GREM2: variants seen among roughly 807,000 people sequenced by gnomAD.
The protein encoded by GREM2 is gremlin-2.
Under a neutral mutation model 14.2 loss-of-function variants are expected in GREM2, and 11 were observed. That is an observed-to-expected ratio of 0.78 (90% confidence interval 0.49 to 1.28). The LOEUF (loss-of-function observed/expected upper bound fraction) is 1.28, where lower values mean the gene tolerates loss of function less well. Ranked by LOEUF, GREM2 falls within the 50% of genes most tolerant of loss-of-function variation. GREM2 has a pLI of 0.00. For missense variants in GREM2, 210 were observed against 218.5 expected, an observed-to-expected ratio of 0.96 and a Z score of 0.24; for synonymous variants, 98 against 97.6, an observed-to-expected ratio of 1.00 and a Z score of -0.02.
chr1:240,606,677 CTTTT>C (rs1261199860), intron 1 of GREM2, among the ~76,000 whole-genome samples: 5 of 131,342 alleles, frequency 3.8e-5, no homozygotes, highest in Non-Finnish European at 3.3e-5. Flanking sequence ...TGAAACAGTT[CTTTT>C]TTTTTTTTTT....
At chr1:240,588,389 T>C (rs955717429) in intron 1 of GREM2, 3 of 152,288 alleles carry the variant, frequency 2.0e-5, no homozygotes, top group Admixed American at 2.0e-4. Context: ...CTCAGACACC[T>C]GTTAGTTATA....
intron 1 of GREM2, among the ~76,000 whole-genome samples, chr1:240,526,354 A>G (rs569628232): frequency 1.4e-3 from 217 of 152,314 alleles, no homozygotes; most frequent in Non-Finnish European, 2.4e-3. Context: ...TATTTTGTCA[A>G]AATTAAGGCA....
At position 240,493,202 on chromosome 1, in the gene GREM2, T is replaced by C; in HGVS notation, c.274A>G (p.Ile92Val). The C allele has an allele frequency of 6.2e-7, 1 of 1,614,086 alleles. No homozygotes were observed. Among genetic ancestry groups the C allele is most frequent in the East Asian group, 2.2e-5 (1 of 44,850 alleles). The change falls in exon 2 of 2, where the codon ATC becomes GTC. Residue 92 changes from isoleucine to valine, a missense_variant. Transcript: ENST00000318160. ...TGGCCGTAGCAGAAGCGGTTGAGGA[T>C]GGTGCGGCTCCGGCAGCCCTCCTCG... ...VSEEGCRSRT[I>V]LNRFCYGQCN...
intron 1 of GREM2, among the ~76,000 whole-genome samples, chr1:240,604,823 A>G (rs761452673): frequency 1.4e-4 from 21 of 152,348 alleles, no homozygotes; most frequent in Middle Eastern, 6.8e-3. Context: ...GTTCCTCTTC[A>G]AAGACTTTCC....
chr1:240,529,361 T>A (rs1275299775), intron 1 of GREM2, among the ~76,000 whole-genome samples: 5 of 151,728 alleles, frequency 3.3e-5, no homozygotes, highest in African/African-American at 1.2e-4. Context: ...AATGGAAAGT[T>A]GGAACCATTT....
chr1:240,595,875 G>A (rs1478686119), intron 1 of GREM2, among the ~76,000 whole-genome samples: 1 of 152,142 alleles, frequency 6.6e-6, no homozygotes, highest in Admixed American at 6.5e-5. Flanking sequence ...TGTTTTAGAG[G>A]CAGACAGAAA....
rs188783257 is a variant in GREM2 at position 240,543,264 on chromosome 1, G to A, written c.-1-49788C>T. ...GTGTTAGGTAATCTATTAGTCTGTCGTCATGCTGCTAATAAAAAGACATAC... is the reference window on the plus strand; with the variant it reads ...GTGTTAGGTAATCTATTAGTCTGTCATCATGCTGCTAATAAAAAGACATAC... On this transcript the variant is annotated intron_variant, in intron 1 of 1. Transcript: ENST00000318160. This position sits in a 1 kb window ranked among gnomAD's most constrained non-coding sequence, Gnocchi z 6.4. Among the ~76,000 whole-genome samples the A allele has an allele frequency of 2.0e-5, 3 of 152,252 alleles. No homozygotes were observed. Among genetic ancestry groups the A allele is most frequent in the Admixed American group, 1.3e-4 (2 of 15,292 alleles).
chr1:240,573,428 C>T (rs1679297145), intron 1 of GREM2, among the ~76,000 whole-genome samples: 1 of 152,128 alleles, frequency 6.6e-6, no homozygotes, highest in Non-Finnish European at 1.5e-5. Context: ...TTATTGCTGC[C>T]ACTGTCTTTC....
intron 1 of GREM2, among the ~76,000 whole-genome samples, chr1:240,551,869 A>C (rs1678861113): frequency 6.6e-6 from 1 of 152,200 alleles, no homozygotes; most frequent in African/African-American, 2.4e-5. Context: ...TAGTTTCTTC[A>C]AGAAAGAAGG....
chr1:240,555,787 A>T (rs1400418139), intron 1 of GREM2, among the ~76,000 whole-genome samples: 1 of 152,254 alleles, frequency 6.6e-6, no homozygotes, highest in African/African-American at 2.4e-5. Flanking sequence ...GTTATCCATT[A>T]GCCACTCACC....
chr1:240,604,278 C>T (rs1488856262), intron 1 of GREM2, among the ~76,000 whole-genome samples: 2 of 149,428 alleles, frequency 1.3e-5, no homozygotes, highest in Non-Finnish European at 1.5e-5. Flanking sequence ...GACAAATATC[C>T]CAATTAGATC....
intron 1 of GREM2, among the ~76,000 whole-genome samples, chr1:240,501,275 G>A (rs1677564155): frequency 6.6e-6 from 1 of 152,178 alleles, no homozygotes; most frequent in African/African-American, 2.4e-5. Context: ...AAAGATCAGG[G>A]CATCCCACAT....
intron 1 of GREM2, among the ~76,000 whole-genome samples, chr1:240,572,904 T>C (rs1679286456): frequency 6.6e-6 from 1 of 152,168 alleles, no homozygotes; most frequent in Admixed American, 6.5e-5. Flanking sequence ...CAACTGGCTT[T>C]ATAGGTAAAA....
chr1:240,578,889 T>C (rs537535869), intron 1 of GREM2, among the ~76,000 whole-genome samples: 3 of 152,164 alleles, frequency 2.0e-5, no homozygotes, highest in South Asian at 2.1e-4. Flanking sequence ...AGGGCCGAGA[T>C]TGGGAATCTG....
At chr1:240,523,529 C>CT (rs1443732909) in intron 1 of GREM2, among the ~76,000 whole-genome samples, 1 of 152,110 alleles carries the variant, frequency 6.6e-6, no homozygotes, top group Non-Finnish European at 1.5e-5. Flanking sequence ...CATACCAATA[C>CT]ACAAGGAGTG....
chr1:240,519,032 A>G (rs529339506), intron 1 of GREM2, among the ~76,000 whole-genome samples: 1 of 152,350 alleles, frequency 6.6e-6, no homozygotes, highest in African/African-American at 2.4e-5. Flanking sequence ...ATACATACAT[A>G]TTAGGCTAAA....
chr1:240,548,015 G>T (rs1030055425), intron 1 of GREM2, among the ~76,000 whole-genome samples: 1 of 151,836 alleles, frequency 6.6e-6, no homozygotes, highest in Non-Finnish European at 1.5e-5. Flanking sequence ...TAATCCCAAC[G>T]GTTTGGGAGG....
In GREM2 at chr1:240,540,853, G is replaced by A. The variant is rs899498315; in HGVS notation, c.-1-47377C>T. 6.6e-6 allele frequency among the ~76,000 whole-genome samples: 1 copy of A among 152,068 alleles called. No individual in the cohort carries two copies. The highest frequency in any genetic ancestry group is 6.6e-5 in the Admixed American group (1 of 15,258). ...TGGGATTACAGGTGTGAGCCACCAC[G>A]CCAGGCCGCATAATACTTCTTAAAA... On this transcript the variant is annotated intron_variant, in intron 1 of 1. Coordinates refer to ENST00000318160, the MANE Select transcript of GREM2 (RefSeq NM_022469.4). This position sits in a 1 kb window ranked among gnomAD's most constrained non-coding sequence, Gnocchi z 4.2.
At chr1:240,541,674 C>A (rs1678591870) in intron 1 of GREM2, among the ~76,000 whole-genome samples, 2 of 151,818 alleles carry the variant, frequency 1.3e-5, no homozygotes, top group Admixed American at 6.6e-5. Context: ...CATGTTTACA[C>A]ATTGCACATG....
Sources: allele counts gnomAD v4.1 joint callset (sites outside exome capture counted in the v4.1 genomes callset), GRCh38; gene constraint gnomAD v4.1.1; non-coding constraint Gnocchi (gnomAD v3.1); transcripts MANE v1.5; gene names NCBI Gene and HGNC (gene_info 2026-07-23, HGNC 2026-07-21).